The following CFH variants were observed in gnomAD, a reference collection of about 807,000 sequenced individuals.
The protein encoded by CFH is H factor 1 (complement).
Under a neutral mutation model 147.3 loss-of-function variants are expected in CFH, and 53 were observed. The observed-to-expected ratio is 0.36, with a 90% confidence interval of 0.29 to 0.45. The LOEUF is 0.45. Ranked by LOEUF, CFH falls within the 20% of genes least tolerant of loss-of-function variation. The pLI is 1.00. For missense variants in CFH, 1,380 were observed against 1,498.0 expected (o/e 0.92, Z 1.30); for synonymous variants, 536 against 489.4 (o/e 1.10, Z -1.26).
intron 9 of CFH, among the ~76,000 whole-genome samples, chr1:196,692,716 CT>C (rs1668082519): frequency 8.7e-6 from 1 of 115,090 alleles, no homozygotes; most frequent in Admixed American, 8.7e-5. Flanking sequence ...CTTTTTCTTT[CT>C]TTCTTTCTTT....
At position 196,725,159 on chromosome 1, in the gene CFH, G is replaced by C; in HGVS notation, c.1735G>C (p.Val579Leu). The stretch of plus-strand genomic sequence containing the variant: ...ACTTCCTAAAATAGATGTACACTTA[G>C]TTCCTGATCGCAAGAAAGACCAGTA... The part of the protein sequence containing the change: ...CELPKIDVHL[V>L]PDRKKDQYKV... Residue 579 changes from valine (V) to leucine (L), a missense_variant, in exon 12 of 22, where the codon GTT (valine) becomes CTT (leucine). Physicochemically the swap from Val to Leu is conservative, Grantham distance 32. Coordinates refer to ENST00000367429, the MANE Select transcript of CFH (RefSeq NM_000186.4). The C allele has an allele frequency of 1.2e-6, 2 of 1,613,706 alleles. No homozygotes were observed. Among genetic ancestry groups the C allele is most frequent in the Non-Finnish European group, 1.7e-6 (2 of 1,179,782 alleles).
chr1:196,670,819 G>T (rs1667251511), intron 1 of CFH, among the ~76,000 whole-genome samples: 1 of 152,074 alleles, frequency 6.6e-6, no homozygotes, highest in Admixed American at 6.6e-5. Flanking sequence ...TAGAAATTTT[G>T]ATTTTGTGAG....
Position 196,673,179 on chromosome 1 carries a change from ATTTGTGAAAT to A in CFH, c.244+19_244+28del, listed in dbSNP as rs755165508. The A allele has an allele frequency of 3.1e-6, 5 of 1,606,178 alleles. No homozygotes were observed. Among genetic ancestry groups the A allele is most frequent in the Admixed American group, 1.7e-5 (1 of 60,024 alleles). The stretch of plus-strand genomic sequence containing the variant: ...AAATGTCAGAGTAAGTACTTAATAC[ATTTGTGAAAT>A]TTATGAAAACTAGGTGTAAAAATAC... On this transcript the variant is annotated intron_variant, in intron 2 of 21. Transcript: ENST00000367429.
chr1:196,731,962 G>C (rs991705496), intron 15 of CFH, among the ~76,000 whole-genome samples: 2 of 151,890 alleles, frequency 1.3e-5, no homozygotes, highest in Non-Finnish European at 2.9e-5. Context: ...ATGTCTTAAA[G>C]TGACTATCTT....
chr1:196,681,600 C>G (rs1667659933), intron 6 of CFH, among the ~76,000 whole-genome samples: 1 of 151,672 alleles, frequency 6.6e-6, no homozygotes, highest in South Asian at 2.1e-4. Context: ...ACTATGCTTG[C>G]AGGTCCTGCT....
chr1:196,701,912 G>T (rs1668466318), intron 9 of CFH, among the ~76,000 whole-genome samples: 1 of 152,076 alleles, frequency 6.6e-6, no homozygotes, highest in African/African-American at 2.4e-5. Context: ...CTGGATTTCG[G>T]AGAACAGTGG....
Position 196,747,438 on chromosome 1 carries a change from A to G in CFH, c.*125A>G. On this transcript the variant is annotated 3_prime_UTR_variant, in exon 22 of 22. Coordinates refer to ENST00000367429, the MANE Select transcript of CFH (RefSeq NM_000186.4). ...TAAAATTTTGGATTAATTTGTGAAAATGTAATTATAAGCTGAGACCGGTGG... is the reference window on the plus strand; with the variant it reads ...TAAAATTTTGGATTAATTTGTGAAAGTGTAATTATAAGCTGAGACCGGTGG... The G allele has an allele frequency of 6.9e-6, 8 of 1,156,288 alleles. No homozygotes were observed. The highest frequency in any genetic ancestry group is 1.0e-5 in the Non-Finnish European group (8 of 791,146). 71.6% of individuals were successfully genotyped at this position (1,156,288 alleles called of 1,614,324 possible).
chr1:196,671,478 AC>A (rs957225828), intron 1 of CFH, among the ~76,000 whole-genome samples: 2 of 151,812 alleles, frequency 1.3e-5, no homozygotes, highest in African/African-American at 4.8e-5. Flanking sequence ...CCTGGGTAAC[AC>A]TTTTAGTTTG....
intron 5 of CFH, 183 bp downstream of exon 5, chr1:196,677,850 A>T (rs1025657504): frequency 2.6e-5 from 16 of 603,898 alleles, no homozygotes; most frequent in Non-Finnish European, 4.1e-5. Flanking sequence ...CTTTCAAAAA[A>T]CTCCATGATT....
intron 15 of CFH, among the ~76,000 whole-genome samples, chr1:196,730,834 C>G (rs1019294527): frequency 6.6e-6 from 1 of 151,832 alleles, no homozygotes; most frequent in African/African-American, 2.4e-5. Context: ...TATATAATAA[C>G]TTTCTTTGTA....
chr1:196,672,885 C>A, intron 1 of CFH, 93 bp from the exon 2 acceptor site: 1 of 974,760 alleles, frequency 1.0e-6, no homozygotes, highest in Non-Finnish European at 1.6e-6. Context: ...AGACCTGTGA[C>A]TGTCTAGGCA....
chr1:196,732,148 C>G (rs1230735758), intron 15 of CFH, among the ~76,000 whole-genome samples: 1 of 151,948 alleles, frequency 6.6e-6, no homozygotes, highest in Non-Finnish European at 1.5e-5. Context: ...AGTATTCCAT[C>G]TGGATCTTAA....
At chr1:196,689,381 A>C in intron 7 of CFH, 39 bp from the exon 8 acceptor site, 1 of 1,553,886 alleles carries the variant, frequency 6.4e-7, no homozygotes, top group Non-Finnish European at 8.8e-7. Context: ...TTATTACAGT[A>C]AAATTTCTTT....
chr1:196,742,014 C>A lies in CFH; in HGVS notation c.3096C>A (p.Cys1032Ter). The A allele has an allele frequency of 6.2e-7, 1 of 1,614,102 alleles. No individual in the cohort carries two copies. Among genetic ancestry groups the A allele is most frequent in the Non-Finnish European group, 8.5e-7 (1 of 1,180,006 alleles). Residue 1032 changes from cysteine (C) to a stop codon, truncating the protein, a stop_gained, in exon 19 of 22, where the codon TGC (cysteine) becomes TGA (stop). Coordinates refer to ENST00000367429, the MANE Select transcript of CFH (RefSeq NM_000186.4). LOFTEE classifies it high-confidence loss of function. ...TGGATGGAGCCAGTAATGTAACATGCATTAATAGCAGATGGACAGGAAGGC... is the reference window on the plus strand; with the variant it reads ...TGGATGGAGCCAGTAATGTAACATGAATTAATAGCAGATGGACAGGAAGGC... ...YKMDGASNVT[C>*]INSRWTGRPT...
At chr1:196,692,783 T>TC (rs1558163693) in intron 9 of CFH, among the ~76,000 whole-genome samples, 4 of 110,186 alleles carry the variant, frequency 3.6e-5, no homozygotes, top group African/African-American at 1.6e-4. Context: ...TCTTTCTTTC[T>TC]TTCTTTCTTT....
At chr1:196,740,237 T>C (rs976945424) in intron 17 of CFH, among the ~76,000 whole-genome samples, 1 of 152,220 alleles carries the variant, frequency 6.6e-6, no homozygotes, top group Non-Finnish European at 1.5e-5. Context: ...TGCCACTATG[T>C]TTTAAAACTT....
chr1:196,657,594 A>G (rs1409445587), intron 1 of CFH, among the ~76,000 whole-genome samples: 1 of 152,226 alleles, frequency 6.6e-6, no homozygotes, highest in African/African-American at 2.4e-5. Flanking sequence ...TACCAAAGCC[A>G]AAGGATTATT....
At chr1:196,686,037 T>A (rs1479503722) in intron 7 of CFH, among the ~76,000 whole-genome samples, 2 of 152,012 alleles carry the variant, frequency 1.3e-5, no homozygotes, top group African/African-American at 4.8e-5. Context: ...CATCTTACCA[T>A]GGCAGAGCAG....
At chr1:196,710,190 C>T (rs1351407069) in intron 9 of CFH, among the ~76,000 whole-genome samples, 2 of 152,144 alleles carry the variant, frequency 1.3e-5, no homozygotes, top group Admixed American at 6.5e-5. Context: ...GCCCGTCACC[C>T]TCCATGATCC....
Sources: allele counts gnomAD v4.1 joint callset (sites outside exome capture counted in the v4.1 genomes callset), GRCh38; gene constraint gnomAD v4.1.1; transcripts MANE v1.5; gene names NCBI Gene and HGNC (gene_info 2026-07-23, HGNC 2026-07-21).